OTOG: variants seen among roughly 807,000 people sequenced by gnomAD.
OTOG encodes otogelin.
Under a neutral mutation model 313.8 loss-of-function variants are expected in OTOG, and 296 were observed. The ratio of observed to expected loss-of-function variants is 0.94; its 90% CI spans 0.86 to 1.04. The LOEUF is 1.04. OTOG is among the 50% of genes least tolerant of loss of function. The pLI is 0.00. For missense variants in OTOG, 3,948 were observed against 3,840.1 expected, an observed-to-expected ratio of 1.03 and a Z score of -0.74; for synonymous variants, 1,533 against 1,554.9, an observed-to-expected ratio of 0.99 and a Z score of 0.33.
chr11:17,642,197 T>G lies in OTOG; in HGVS notation c.8366T>G (p.Val2789Gly). 6.5e-7 allele frequency: 1 copy of G among 1,550,296 alleles called. No individual in the cohort carries two copies. Among genetic ancestry groups the G allele is most frequent in the African/African-American group, 1.4e-5 (1 of 73,158 alleles). Residue 2789 changes from valine to glycine, a missense_variant, in exon 53 of 56, where the codon GTC (valine) becomes GGC (glycine). Physicochemically the swap from Val to Gly is moderately radical, Grantham distance 109. Transcript: ENST00000399397. Reference protein sequence around the residue: ...CSSTPLGAVLVRSPISCPPLN... With the variant: ...CSSTPLGAVLGRSPISCPPLN... Reference sequence around the variant, plus strand: ...AGCACGCCCCTGGGTGCCGTGCTGGTCCGCTCTCCCATAAGCTGCCCACCG... The same window carrying G: ...AGCACGCCCCTGGGTGCCGTGCTGGGCCGCTCTCCCATAAGCTGCCCACCG...
chr11:17,640,937 G>T lies in OTOG; in HGVS notation c.8036G>T (p.Arg2679Leu), dbSNP rs766229978. 172 of 1,548,058 alleles carry T rather than the reference G, an allele frequency of 1.1e-4. No individual in the cohort carries two copies. Among genetic ancestry groups the T allele is most frequent in the Non-Finnish European group, 1.5e-4 (169 of 1,146,940 alleles). The part of the protein sequence containing the change: ...ECVKAPVCLS[R>L]ELGVMQPGQT... ...GTGAAGGCCCCGGTGTGTCTGAGCC[G>T]CGAGCTGGGTGTGATGCAGCCCGGC... Residue 2679 changes from arginine (R) to leucine (L), a missense_variant, in exon 51 of 56, where the codon CGC becomes CTC. Coordinates refer to ENST00000399397, the MANE Select transcript of OTOG (RefSeq NM_001292063.2).
chr11:17,579,919 T>C (rs756115855), intron 23 of OTOG, among the ~76,000 whole-genome samples: 2 of 152,202 alleles, frequency 1.3e-5, no homozygotes, highest in Non-Finnish European at 2.9e-5. Context: ...CTAAGGAGCT[T>C]ACACACATGC....
intron 23 of OTOG, among the ~76,000 whole-genome samples, chr11:17,583,497 A>G (rs1852721613): frequency 6.6e-6 from 1 of 152,192 alleles, no homozygotes; most frequent in Non-Finnish European, 1.5e-5. Context: ...CATGTTTCAA[A>G]ATGGAGTCAA....
intron 54 of OTOG, among the ~76,000 whole-genome samples, chr11:17,644,463 C>A (rs950356213): frequency 6.6e-6 from 1 of 152,252 alleles, no homozygotes; most frequent in Non-Finnish European, 1.5e-5. Context: ...AGTGCACGTA[C>A]CTGGCAAATA....
intron 28 of OTOG, 80 bp downstream of exon 28, chr11:17,594,246 G>A (rs532190973): frequency 2.6e-6 from 4 of 1,511,578 alleles, no homozygotes; most frequent in African/African-American, 1.4e-5. Flanking sequence ...CAAGGTCAGG[G>A]AAGAGGGATG....
Position 17,642,065 on chromosome 11 carries a change from A to G in OTOG, c.8296-62A>G. Reference sequence around the variant, plus strand: ...GGGTACAAACAGGCTCCCAGACCCTATGGGTTTGCGCAGGCTGTCCATCTG... The same window carrying G: ...GGGTACAAACAGGCTCCCAGACCCTGTGGGTTTGCGCAGGCTGTCCATCTG... On this transcript the variant is annotated intron_variant, in intron 52 of 55. Transcript: ENST00000399397. 9.2e-6 allele frequency: 14 copies of G among 1,518,906 alleles called. 1 individual carries two copies. Among genetic ancestry groups the G allele is most frequent in the Admixed American group, 6.1e-5 (3 of 49,482 alleles). The allele number at this position is 1,518,906 out of a possible 1,614,324, so 94.1% of individuals were successfully genotyped here.
intron 23 of OTOG, 141 bp downstream of exon 23, chr11:17,578,667 G>T: frequency 9.0e-7 from 1 of 1,115,272 alleles, no homozygotes; most frequent in Non-Finnish European, 1.2e-6. Flanking sequence ...AGCTGTAATG[G>T]CCAGAGAGGA....
At chr11:17,606,820 ACCCAC>A (rs1225404137) in intron 33 of OTOG, among the ~76,000 whole-genome samples, 1 of 152,008 alleles carries the variant, frequency 6.6e-6, no homozygotes, top group East Asian at 1.9e-4. Flanking sequence ...TTATTTCATC[ACCCAC>A]CCCACCCAAG....
Position 17,645,787 on chromosome 11 carries a change from T to A in OTOG, c.8585T>A (p.Ile2862Asn), listed in dbSNP as rs536367022. Reference sequence around the variant, plus strand: ...GATGGGAGGTGCCCATCCGCCAGCATCTACAACTACAACATCAACACCTAT... The same window carrying A: ...GATGGGAGGTGCCCATCCGCCAGCAACTACAACTACAACATCAACACCTAT... Reference protein sequence around the residue: ...SCDGRCPSASIYNYNINTYAR... With the variant: ...SCDGRCPSASNYNYNINTYAR... The change falls in exon 56 of 56, where the codon ATC becomes AAC. Residue 2862 changes from isoleucine to asparagine, a missense_variant. Transcript: ENST00000399397. 8.4e-6 allele frequency: 13 copies of A among 1,551,072 alleles called. No individual in the cohort carries two copies. In the African/African-American group the frequency reaches 1.2e-4, roughly 15 times the overall value.
chr11:17,640,812 A>T lies in OTOG; in HGVS notation c.8003A>T (p.Tyr2668Phe), dbSNP rs1345398829. 8 of 1,550,352 alleles carry T rather than the reference A, an allele frequency of 5.2e-6. No homozygotes were observed. The South Asian group carries it at 9.5e-5, about 18-fold the overall frequency. The change falls in exon 50 of 56, where the codon TAC (tyrosine) becomes TTC (phenylalanine). Residue 2668 changes from tyrosine (Y) to phenylalanine (F), a missense_variant. Physicochemically the swap from Tyr to Phe is conservative, Grantham distance 22 (BLOSUM62 3). Transcript: ENST00000399397. The part of the protein sequence containing the change: ...SVENVCGCAK[Y>F]ECVKAPVCLS... ...GAGAATGTGTGTGGCTGCGCCAAGTACGAGTGTGGTGAGTGGGGGAAGCCT... is the reference window on the plus strand; with the variant it reads ...GAGAATGTGTGTGGCTGCGCCAAGTTCGAGTGTGGTGAGTGGGGGAAGCCT...
At chr11:17,605,761 CAG>C in intron 32 of OTOG, 94 bp from the exon 33 acceptor site, 1 of 1,360,516 alleles carries the variant, frequency 7.4e-7, no homozygotes, top group Middle Eastern at 1.9e-4. Flanking sequence ...TGCTGCCATC[CAG>C]AGTCGCTGAG....
At chr11:17,638,019 C>T (rs750042498) in intron 47 of OTOG, among the ~76,000 whole-genome samples, 4 of 152,206 alleles carry the variant, frequency 2.6e-5, no homozygotes, top group Non-Finnish European at 5.9e-5. Context: ...AAAGGAAGTG[C>T]GGGCCCTGCA....
At chr11:17,617,257 T>A (rs1412048105) in intron 39 of OTOG, among the ~76,000 whole-genome samples, 3 of 152,212 alleles carry the variant, frequency 2.0e-5, no homozygotes. Context: ...TAGGTATTAG[T>A]CTAAATTTTC....
intron 52 of OTOG, 69 bp downstream of exon 52, chr11:17,642,020 C>G (rs531820748): frequency 1.3e-6 from 2 of 1,528,624 alleles, no homozygotes; most frequent in South Asian, 2.5e-5. Flanking sequence ...AGGGCCCTCT[C>G]TGGCTTGCAG....
intron 54 of OTOG, among the ~76,000 whole-genome samples, chr11:17,644,405 G>A (rs1300161293): frequency 6.6e-6 from 1 of 152,252 alleles, no homozygotes; most frequent in Non-Finnish European, 1.5e-5. Context: ...GAGACCAGAA[G>A]AAAAGATTCC....
chr11:17,625,301 C>T lies in OTOG; in HGVS notation c.6529-3832C>T, dbSNP rs113793808. The stretch of plus-strand genomic sequence containing the variant: ...TTGTTGGCTGTGGGTTTGTCATAGA[C>T]GGCTCTTATTATTTTGAGGTATGTT... On this transcript the variant is annotated intron_variant, in intron 39 of 55. Coordinates refer to ENST00000399397, the MANE Select transcript of OTOG (RefSeq NM_001292063.2). 2.5e-3 allele frequency among the ~76,000 whole-genome samples: 379 copies of T among 152,182 alleles called. 1 individual carries two copies. Among genetic ancestry groups the T allele is most frequent in the African/African-American group, 8.5e-3 (351 of 41,510 alleles).
At chr11:17,578,948 A>C (rs922436372) in intron 23 of OTOG, among the ~76,000 whole-genome samples, 1 of 152,158 alleles carries the variant, frequency 6.6e-6, no homozygotes, top group Non-Finnish European at 1.5e-5. Context: ...CCTCAGGAGG[A>C]GGGCTAGTGC....
chr11:17,629,907 A>G (rs530706527), intron 40 of OTOG, among the ~76,000 whole-genome samples: 1 of 152,190 alleles, frequency 6.6e-6, no homozygotes, highest in Non-Finnish European at 1.5e-5. Context: ...GCATAAGCAC[A>G]TGGACACTCA....
chr11:17,572,062 G>A lies in OTOG; in HGVS notation c.1956-18G>A. The A allele has an allele frequency of 1.3e-6, 2 of 1,550,278 alleles. No homozygotes were observed. The highest frequency in any genetic ancestry group is 1.7e-6 in the Non-Finnish European group (2 of 1,146,830). On this transcript the variant is annotated intron_variant, in intron 17 of 55. Coordinates refer to ENST00000399397, the MANE Select transcript of OTOG (RefSeq NM_001292063.2). The stretch of plus-strand genomic sequence containing the variant: ...CCACAGGGGCAAGTGTGTGAATATG[G>A]CTGTGACATGGCTGCAGGTCTCCAG...
Sources: allele counts gnomAD v4.1 joint callset (sites outside exome capture counted in the v4.1 genomes callset), GRCh38; gene constraint gnomAD v4.1.1; transcripts MANE v1.5; gene names NCBI Gene and HGNC (gene_info 2026-07-23, HGNC 2026-07-21).